Variants in SFPQ observed in about 807,000 individuals in gnomAD.
SFPQ encodes the protein splicing factor proline and glutamine rich.
Under a neutral mutation model 72.9 loss-of-function variants are expected in SFPQ, and 11 were observed. The observed-to-expected ratio is 0.15, with a 90% CI of 0.09 to 0.25. The LOEUF (loss-of-function observed/expected upper bound fraction) is 0.25. Ranked by LOEUF, SFPQ falls within the 10% of genes least tolerant of loss-of-function variation. The probability of loss-of-function intolerance (pLI) is 1.00; values close to 1 mark genes in which losing one functional copy is unlikely to be tolerated. For missense variants in SFPQ, 847 were observed against 993.3 expected, an observed-to-expected ratio of 0.85 and a Z score of 1.98; for synonymous variants, 506 against 367.3, an observed-to-expected ratio of 1.38 and a Z score of -4.32.
chr1:35,177,872 T>A, intron 4 of SFPQ: 4 of 305,852 alleles, frequency 1.3e-5, no homozygotes, highest in Non-Finnish European at 2.1e-5. Context: ...TAAAGGGATA[T>A]TATCTTAGAA....
In SFPQ at chr1:35,190,760, A is replaced by T; in HGVS notation, c.1253T>A (p.Phe418Tyr). The stretch of plus-strand genomic sequence containing the variant: ...CTTTCTTGCTGCTGGCTTAGAAGCA[A>T]ATTCAACAATGCCTTTCCCTGTAGA... ...GRSTGKGIVE[F>Y]ASKPAARKAF... The change falls in exon 3 of 10, where the codon TTT (phenylalanine) becomes TAT (tyrosine). Residue 418 changes from phenylalanine to tyrosine, a missense_variant. By Grantham distance (22) the Phe-to-Tyr change is conservative. Transcript: ENST00000357214. 1 of 1,614,238 alleles carries T rather than the reference A, an allele frequency of 6.2e-7. No homozygotes were observed. Among genetic ancestry groups the T allele is most frequent in the Non-Finnish European group, 8.5e-7 (1 of 1,180,046 alleles).
In SFPQ at chr1:35,190,701, G is replaced by C. The variant is rs1323804341; in HGVS notation, c.1312C>G (p.Leu438Val). The C allele has an allele frequency of 6.2e-7, 1 of 1,613,338 alleles. No homozygotes were observed. Among genetic ancestry groups the C allele is most frequent in the Non-Finnish European group, 8.5e-7 (1 of 1,179,584 alleles). Residue 438 changes from leucine to valine, a missense_variant, in exon 3 of 10, where the codon CTG (leucine) becomes GTG (valine). Physicochemically the swap from Leu to Val is conservative, Grantham distance 32. This residue lies in a region of SFPQ where 132 missense variants were observed against 255.4 expected (regional missense o/e 0.52). Transcript: ENST00000357214. ...FERCSEGVFLLTTTPRPVIVE... is the reference protein window; with the variant it reads ...FERCSEGVFLVTTTPRPVIVE... ...ATAAACAAGACAACTTACGTCGTCAGTAAGAAAACACCTTCACTGCATCGT... is the reference window on the plus strand; with the variant it reads ...ATAAACAAGACAACTTACGTCGTCACTAAGAAAACACCTTCACTGCATCGT...
chr1:35,181,695 G>A, downstream of SFPQ: 2 of 1,061,024 alleles, frequency 1.9e-6, no homozygotes, highest in East Asian at 5.2e-5. Flanking sequence ...ATGGGGACAA[G>A]TGGTTTCTTT....
chr1:35,191,217 TG>T, intron 2 of SFPQ, 123 bp downstream of exon 2: 1 of 900,910 alleles, frequency 1.1e-6, no homozygotes, highest in Non-Finnish European at 1.7e-6. Flanking sequence ...CCTGTAAGAA[TG>T]GTGAAAAATC....
chr1:35,180,413 C>T (rs1357597264), downstream of SFPQ: 1 of 1,040,152 alleles, frequency 9.6e-7, no homozygotes, highest in Non-Finnish European at 1.2e-6. Flanking sequence ...CATATGCAGT[C>T]ATCCTACAGA....
chr1:35,180,236 C>T (rs1639411790), downstream of SFPQ: 2 of 1,051,516 alleles, frequency 1.9e-6, no homozygotes, highest in East Asian at 5.4e-5. Flanking sequence ...TAGCTAAAAC[C>T]AGTTCAGAGA....
At position 35,192,663 on chromosome 1, in the gene SFPQ, G is replaced by C. The variant is rs762474560; in HGVS notation, c.387C>G (p.Ser129Arg). 7.2e-7 allele frequency: 1 copy of C among 1,395,514 alleles called. No individual in the cohort carries two copies. The highest frequency in any genetic ancestry group is 9.2e-7 in the Non-Finnish European group (1 of 1,084,090). 86.4% of individuals were successfully genotyped at this position (1,395,514 alleles called of 1,614,324 possible). A position where few individuals can be genotyped will look rare whatever the true frequency, so the allele number is the denominator to read the frequency against. Residue 129 changes from serine (S) to arginine (R), a missense_variant, in exon 1 of 10, where the codon AGC becomes AGG. Coordinates refer to ENST00000357214, the MANE Select transcript of SFPQ (RefSeq NM_005066.3). ...PGVGSAPPASSSAPPATPPTS... is the reference protein window; with the variant it reads ...PGVGSAPPASRSAPPATPPTS... ...TTGGTGGAGTGGCGGGCGGGGCCGA[G>C]CTGGAGGCTGGTGGTGCGCTGCCTA...
chr1:35,176,793 G>A (rs183009794), intron 5 of SFPQ, among the ~76,000 whole-genome samples: 1 of 150,608 alleles, frequency 6.6e-6, no homozygotes, highest in Admixed American at 6.6e-5. Context: ...AGAATGGCGT[G>A]AACCCAGGAG....
downstream of SFPQ, chr1:35,182,695 A>G: frequency 3.0e-6 from 3 of 985,446 alleles, no homozygotes; most frequent in Non-Finnish European, 2.4e-6. Context: ...AGGAAGACAC[A>G]TTCCATAGTA....
Position 35,188,970 on chromosome 1 carries a change from A to T in SFPQ, c.1697+33T>A, listed in dbSNP as rs745556223. On this transcript the variant is annotated intron_variant, in intron 6 of 9. Transcript: ENST00000357214. ...AATGATACGTTTCAAAGAAAAAAAT[A>T]AATGAAGGCTTAAACCTTAAACACA... is the stretch of plus-strand genomic sequence containing the variant. The T allele has an allele frequency of 3.6e-5, 56 of 1,554,312 alleles. 1 individual carries two copies. The South Asian group carries it at 6.1e-4, about 17-fold the overall frequency.
intron 9 of SFPQ, among the ~76,000 whole-genome samples, chr1:35,185,256 C>T (rs984800829): frequency 2.0e-5 from 3 of 152,204 alleles, no homozygotes; most frequent in Non-Finnish European, 4.4e-5. Context: ...AGGCACACTA[C>T]CTTCCGAGCC....
At chr1:35,185,372 G>A (rs1639658632) in intron 9 of SFPQ, among the ~76,000 whole-genome samples, 1 of 152,126 alleles carries the variant, frequency 6.6e-6, no homozygotes, top group African/African-American at 2.4e-5. Context: ...TTTCCCTTAG[G>A]TCTTTGAAAA....
chr1:35,181,879 T>G (rs1639483896), downstream of SFPQ: 1 of 985,300 alleles, frequency 1.0e-6, no homozygotes, highest in Non-Finnish European at 1.2e-6. Flanking sequence ...CTTACAACCC[T>G]GAGTACATTG....
intron 9 of SFPQ, among the ~76,000 whole-genome samples, chr1:35,185,804 A>T: frequency 6.6e-6 from 1 of 152,172 alleles, no homozygotes; most frequent in South Asian, 2.1e-4. Context: ...TACCTCTAAG[A>T]ACTTAAAAAA....
intron 5 of SFPQ, among the ~76,000 whole-genome samples, chr1:35,176,779 C>T (rs1639257347): frequency 6.6e-6 from 1 of 150,592 alleles, no homozygotes; most frequent in South Asian, 2.1e-4. Flanking sequence ...GAGGCTGAGG[C>T]AGGAGAATGG....
chr1:35,182,849 A>G (rs1393520838), downstream of SFPQ: 6 of 1,047,724 alleles, frequency 5.7e-6, no homozygotes, highest in Admixed American at 1.7e-4. Flanking sequence ...ACAGGCAACA[A>G]TAAACAATCT....
chr1:35,189,674 C>A (rs147918326), intron 4 of SFPQ, among the ~76,000 whole-genome samples: 3 of 152,264 alleles, frequency 2.0e-5, no homozygotes, highest in East Asian at 3.9e-4. Context: ...GTAGGCCACA[C>A]GCGGTGGCTC....
At chr1:35,179,500 T>G (rs909939301), downstream of SFPQ, 44 of 1,055,496 alleles carry the variant, frequency 4.2e-5, 1 homozygote, top group Admixed American at 1.8e-3. Context: ...GTAACAAAAT[T>G]ATGAAATACA....
intron 1 of SFPQ, 90 bp from the exon 2 acceptor site, chr1:35,191,619 GTTGCC>G: frequency 1.0e-6 from 1 of 983,864 alleles, no homozygotes; most frequent in Middle Eastern, 2.2e-4. Context: ...AAACCTATCA[GTTGCC>G]TTTCTGTTCC....
Sources: allele counts gnomAD v4.1 joint callset (sites outside exome capture counted in the v4.1 genomes callset), GRCh38; gene constraint gnomAD v4.1.1; regional missense constraint gnomAD v4.1.1; transcripts MANE v1.5; gene names NCBI Gene and HGNC (gene_info 2026-07-23, HGNC 2026-07-21).